Variants in MED29 observed in about 807,000 individuals in gnomAD.
MED29 encodes the protein mediator of RNA polymerase II transcription subunit 29.
A neutral mutation model predicts 22.0 loss-of-function variants in MED29; 14 were observed. The ratio of observed to expected loss-of-function variants is 0.64; its 90% CI spans 0.42 to 0.99. The LOEUF (loss-of-function observed/expected upper bound fraction) is 0.99. Ranked by LOEUF, MED29 falls within the 50% of genes least tolerant of loss-of-function variation. The pLI, the probability that MED29 is intolerant of heterozygous loss-of-function variation, is 0.00. For missense variants in MED29, 241 were observed against 253.7 expected, an observed-to-expected ratio of 0.95 and a Z score of 0.34; for synonymous variants, 123 against 107.8, an observed-to-expected ratio of 1.14 and a Z score of -0.87.
intron 3 of MED29, among the ~76,000 whole-genome samples, chr19:39,396,512 G>A (rs1381136774): frequency 6.6e-6 from 1 of 151,462 alleles, no homozygotes; most frequent in Admixed American, 6.6e-5. Context: ...TAGATCACGA[G>A]GTTAGGAGTT....
chr19:39,397,907 A>G lies in MED29; in HGVS notation c.*208A>G. ...TTCTTCCTGCTCCCCCTCCTAGCCT[A>G]GGGTAGACTTTGAACTGTGTGTGTT... On this transcript the variant is annotated 3_prime_UTR_variant, in exon 4 of 4. Transcript: ENST00000315588. The G allele has an allele frequency of 1.3e-6, 1 of 784,802 alleles. No homozygotes were observed. Among genetic ancestry groups the G allele is most frequent in the Non-Finnish European group, 2.0e-6 (1 of 504,960 alleles). The allele number at this position is 784,802 out of a possible 1,614,324, so 48.6% of individuals were successfully genotyped here.
intron 3 of MED29, among the ~76,000 whole-genome samples, chr19:39,394,971 C>G (rs1162482872): frequency 8.8e-6 from 1 of 113,310 alleles, no homozygotes; most frequent in Non-Finnish European, 1.7e-5. Context: ...AGTGATCCTC[C>G]CACCTCAAAG....
rs924318044 is a variant in MED29, at chr19:39,397,810, G to A, written c.*111G>A. 3 of 1,473,390 alleles carry A rather than the reference G, an allele frequency of 2.0e-6. No homozygotes were observed. Among genetic ancestry groups the A allele is most frequent in the Non-Finnish European group, 2.7e-6 (3 of 1,107,828 alleles). The allele number at this position is 1,473,390 out of a possible 1,614,324, so 91.3% of individuals were successfully genotyped here. ...CCTCCTCTCTTCCTGCCTGAGCACCGCAGCGGGAGCCAGCAGGGGGCAGCA... is the reference window on the plus strand; with the variant it reads ...CCTCCTCTCTTCCTGCCTGAGCACCACAGCGGGAGCCAGCAGGGGGCAGCA... On this transcript the variant is annotated 3_prime_UTR_variant, in exon 4 of 4. Coordinates refer to ENST00000315588, the MANE Select transcript of MED29 (RefSeq NM_017592.4).
intron 2 of MED29, among the ~76,000 whole-genome samples, chr19:39,393,071 T>C (rs962404437): frequency 3.8e-5 from 4 of 105,452 alleles, no homozygotes; most frequent in Admixed American, 1.1e-4. Flanking sequence ...TTTCTTTCTT[T>C]CTTTCTTTTC....
At chr19:39,395,137 G>A (rs986086204) in intron 3 of MED29, among the ~76,000 whole-genome samples, 6 of 152,198 alleles carry the variant, frequency 3.9e-5, no homozygotes, top group African/African-American at 1.2e-4. Context: ...ACAGACCGCT[G>A]TGCCGGGCCT....
chr19:39,397,868 T>A lies in MED29; in HGVS notation c.*169T>A. The A allele has an allele frequency of 1.8e-6, 2 of 1,125,992 alleles. No homozygotes were observed. The highest frequency in any genetic ancestry group is 2.5e-6 in the Non-Finnish European group (2 of 811,958). 69.8% of individuals were successfully genotyped at this position (1,125,992 alleles called of 1,614,324 possible). A position where few individuals can be genotyped will look rare whatever the true frequency, so the allele number is the denominator to read the frequency against. Reference sequence around the variant, plus strand: ...ACAGGGAGCTCGCAGGCCGGGCCCCTGCGTCCCTGCCCCTTCTTCCTGCTC... The same window carrying A: ...ACAGGGAGCTCGCAGGCCGGGCCCCAGCGTCCCTGCCCCTTCTTCCTGCTC... On this transcript the variant is annotated 3_prime_UTR_variant, in exon 4 of 4. Transcript: ENST00000315588.
At chr19:39,392,357 G>A in intron 1 of MED29, 107 bp from the exon 2 acceptor site, 1 of 1,012,432 alleles carries the variant, frequency 9.9e-7, no homozygotes, top group South Asian at 1.4e-5. Flanking sequence ...GGTGCCAGTT[G>A]AAAAGAAAAC....
chr19:39,392,406 C>T, intron 1 of MED29, 58 bp from the exon 2 acceptor site: 2 of 1,306,976 alleles, frequency 1.5e-6, no homozygotes, highest in Non-Finnish European at 1.0e-6. Flanking sequence ...GTAGATCTGC[C>T]AGAGGTATTC....
intron 3 of MED29, among the ~76,000 whole-genome samples, chr19:39,394,720 C>G (rs1205533736): frequency 6.6e-6 from 1 of 151,532 alleles, no homozygotes; most frequent in East Asian, 1.9e-4. Flanking sequence ...CGCACCACCA[C>G]GCCCAGCAAA....
intron 1 of MED29, among the ~76,000 whole-genome samples, chr19:39,392,006 CAG>C (rs1469672560): frequency 2.0e-5 from 3 of 152,160 alleles, no homozygotes; most frequent in African/African-American, 7.2e-5. Context: ...GCCTGGGCAA[CAG>C]AGCGAGACTC....
intron 2 of MED29, among the ~76,000 whole-genome samples, chr19:39,393,076 CTTTTCTTTTT>C (rs2078406130): frequency 3.6e-5 from 2 of 55,298 alleles, no homozygotes; most frequent in African/African-American, 1.5e-4. Flanking sequence ...TTCTTTCTTT[CTTTTCTTTTT>C]TTTTTTTTTT....
Position 39,393,656 on chromosome 19 carries a change from A to G in MED29, c.360+19A>G. ...GTGCCTGGTAAGAAGCCTTCTGGAC[A>G]CGGGGTAACAACAGCCGTGTCCCAG... is the stretch of plus-strand genomic sequence containing the variant. On this transcript the variant is annotated intron_variant, in intron 3 of 3. Coordinates refer to ENST00000315588, the MANE Select transcript of MED29 (RefSeq NM_017592.4). 1 of 1,605,374 alleles carries G rather than the reference A, an allele frequency of 6.2e-7. No homozygotes were observed. Among genetic ancestry groups the G allele is most frequent in the South Asian group, 1.1e-5 (1 of 90,922 alleles).
At chr19:39,392,971 A>G (rs1241056919) in intron 2 of MED29, among the ~76,000 whole-genome samples, 1 of 151,458 alleles carries the variant, frequency 6.6e-6, no homozygotes, top group African/African-American at 2.4e-5. Flanking sequence ...GCTGGTCTCA[A>G]ACTCCTGGGT....
intron 2 of MED29, among the ~76,000 whole-genome samples, chr19:39,393,127 G>T (rs2078408131): frequency 1.0e-5 from 1 of 98,856 alleles, no homozygotes; most frequent in Non-Finnish European, 1.8e-5. Context: ...ACAGAGTCTT[G>T]CTCTGTCGCC....
Position 39,397,853 on chromosome 19 carries a change from C to A in MED29, c.*154C>A. The A allele has an allele frequency of 7.6e-7, 1 of 1,309,388 alleles. No individual in the cohort carries two copies. The highest frequency in any genetic ancestry group is 2.5e-5 in the East Asian group (1 of 39,382). The allele number at this position is 1,309,388 out of a possible 1,614,324, so 81.1% of individuals were successfully genotyped here. A position where few individuals can be genotyped will look rare whatever the true frequency, so the allele number is the denominator to read the frequency against. ...GGGCAGCAGAGGCCAACAGGGAGCT[C>A]GCAGGCCGGGCCCCTGCGTCCCTGC... is the stretch of plus-strand genomic sequence containing the variant. On this transcript the variant is annotated 3_prime_UTR_variant, in exon 4 of 4. Coordinates refer to ENST00000315588, the MANE Select transcript of MED29 (RefSeq NM_017592.4).
chr19:39,393,893 G>C (rs960186024), intron 3 of MED29, among the ~76,000 whole-genome samples: 3 of 152,226 alleles, frequency 2.0e-5, no homozygotes, highest in Non-Finnish European at 2.9e-5. Context: ...GCCTAGGCCA[G>C]AGTGGTTAGG....
At chr19:39,393,796 G>C in intron 3 of MED29, 159 bp downstream of exon 3, 1 of 671,406 alleles carries the variant, frequency 1.5e-6, no homozygotes, top group Non-Finnish European at 2.7e-6. Context: ...TCTGATCCTT[G>C]CCCTTGCAGA....
At chr19:39,393,072 C>CT (rs2078405142) in intron 2 of MED29, among the ~76,000 whole-genome samples, 39 of 86,116 alleles carry the variant, frequency 4.5e-4, no homozygotes, top group African/African-American at 1.3e-3. Context: ...TTCTTTCTTT[C>CT]TTTCTTTTCT....
In MED29 at chr19:39,400,394, G is replaced by C. The variant is rs2078455923; in HGVS notation, c.*2695G>C. 6.6e-6 allele frequency: 1 copy of C among 152,024 alleles called. No individual in the cohort carries two copies. The highest frequency in any genetic ancestry group is 1.5e-5 in the Non-Finnish European group (1 of 68,014). The allele number at this position is 152,024 out of a possible 1,614,324, so 9.4% of individuals were successfully genotyped here. ...CTGTTTTTTTAAAAAAAGAAGTGGAGGTGTTTACACCAGCAAAATACTCAT... is the reference window on the plus strand; with the variant it reads ...CTGTTTTTTTAAAAAAAGAAGTGGACGTGTTTACACCAGCAAAATACTCAT... On this transcript the variant is annotated 3_prime_UTR_variant, in exon 4 of 4. Transcript: ENST00000315588.
Sources: gnomAD v4.1 joint callset for allele counts (sites outside exome capture counted in the v4.1 genomes callset) on GRCh38, gnomAD v4.1.1 for gene constraint, MANE v1.5 for transcripts, NCBI Gene and HGNC (gene_info 2026-07-23, HGNC 2026-07-21) for gene names.